ELAPOR2: variants seen among roughly 807,000 people sequenced by gnomAD.
ELAPOR2 encodes endosome-lysosome associated apoptosis and autophagy regulator family member 2.
Under a neutral mutation model 120.7 loss-of-function variants are expected in ELAPOR2, and 89 were observed. The observed-to-expected ratio is 0.74, with a 90% CI of 0.62 to 0.88. The LOEUF (loss-of-function observed/expected upper bound fraction) is 0.88, where lower values mean the gene tolerates loss of function less well. Among genes scored for constraint, ELAPOR2 ranks in the 40% least tolerant of loss-of-function variants. ELAPOR2 has a pLI of 0.00. For synonymous variants in ELAPOR2, 444 were observed against 444.9 expected, an observed-to-expected ratio of 1.00 and a Z score of 0.03; for missense variants, 1,134 against 1,251.6, an observed-to-expected ratio of 0.91 and a Z score of 1.42.
intron 7 of ELAPOR2, 117 bp downstream of exon 7, chr7:86,938,691 G>A: frequency 2.1e-6 from 2 of 947,362 alleles, no homozygotes; most frequent in South Asian, 1.5e-5. Context: ...ATTCACTCCA[G>A]CACTTTGGTT....
intron 10 of ELAPOR2, among the ~76,000 whole-genome samples, chr7:86,922,348 A>G (rs1193951091): frequency 6.6e-6 from 1 of 151,676 alleles, no homozygotes; most frequent in Non-Finnish European, 1.5e-5. Context: ...GTTTCTGTGT[A>G]TATTTTATAT....
intron 1 of ELAPOR2, among the ~76,000 whole-genome samples, chr7:87,032,927 C>T (rs929550679): frequency 2.0e-5 from 3 of 152,072 alleles, no homozygotes; most frequent in Non-Finnish European, 2.9e-5. Context: ...TAACATCTAC[C>T]TTGGAGGAGA....
intron 2 of ELAPOR2, among the ~76,000 whole-genome samples, chr7:86,949,240 G>A (rs745328854): frequency 7.9e-5 from 12 of 152,158 alleles, no homozygotes; most frequent in Non-Finnish European, 1.0e-4. Context: ...CTAGGACAAG[G>A]CTGTACCACT....
intron 1 of ELAPOR2, among the ~76,000 whole-genome samples, chr7:87,052,717 C>T (rs576186359): frequency 3.9e-5 from 6 of 152,284 alleles, no homozygotes; most frequent in Admixed American, 6.5e-5. Flanking sequence ...ACTTCCAACT[C>T]GAGTTGTAAA....
chr7:86,922,424 C>A (rs1476455), intron 10 of ELAPOR2, among the ~76,000 whole-genome samples: 32,396 of 151,304 alleles, frequency 0.21, 5,613 homozygotes, highest in African/African-American at 0.49. Flanking sequence ...ATTTTAAAGA[C>A]AAATTTAAAA....
chr7:87,031,534 C>T (rs1164848356), intron 1 of ELAPOR2, among the ~76,000 whole-genome samples: 2 of 152,134 alleles, frequency 1.3e-5, no homozygotes, highest in African/African-American at 4.8e-5. Flanking sequence ...AATAGACTAA[C>T]TGAATGGTTA....
At chr7:86,936,266 G>A (rs925301750) in intron 8 of ELAPOR2, among the ~76,000 whole-genome samples, 1 of 151,990 alleles carries the variant, frequency 6.6e-6, no homozygotes, top group Non-Finnish European at 1.5e-5. Context: ...GAGTACAGTG[G>A]CTATTCACAG....
chr7:86,917,896 A>T (rs1442303841), intron 12 of ELAPOR2, among the ~76,000 whole-genome samples: 1 of 152,196 alleles, frequency 6.6e-6, no homozygotes, highest in African/African-American at 2.4e-5. Flanking sequence ...TAAATCTCAC[A>T]TAAGGTCTTA....
rs1794288927 is a variant in ELAPOR2 at position 87,027,686 on chromosome 7, T to C, written c.189+31639A>G. ...TGTGAAGAGACACACAGGGAGAAGA[T>C]GGCCATCCATGCCAAGGAGAGAAGC... On this transcript the variant is annotated intron_variant, in intron 1 of 21. Coordinates refer to ENST00000450689, the MANE Select transcript of ELAPOR2 (RefSeq NM_001142749.3). 3.3e-5 allele frequency among the ~76,000 whole-genome samples: 5 copies of C among 152,274 alleles called. No individual in the cohort carries two copies. In the South Asian group the frequency reaches 1.0e-3, roughly 32 times the overall value.
In ELAPOR2 at chr7:86,877,039, A is replaced by T. The variant is rs1470681794; in HGVS notation, c.*3432T>A. ...AGAGCCCACATGCCCTGCAAAGCCAAAACTATGTACTATCTGACCCTTTAC... is the reference window on the plus strand; with the variant it reads ...AGAGCCCACATGCCCTGCAAAGCCATAACTATGTACTATCTGACCCTTTAC... On this transcript the variant is annotated 3_prime_UTR_variant, in exon 22 of 22. Coordinates refer to ENST00000450689, the MANE Select transcript of ELAPOR2 (RefSeq NM_001142749.3). 6.6e-6 allele frequency: 1 copy of T among 152,182 alleles called. No individual in the cohort carries two copies. Among genetic ancestry groups the T allele is most frequent in the Non-Finnish European group, 1.5e-5 (1 of 68,020 alleles). 9.4% of individuals were successfully genotyped at this position (152,182 alleles called of 1,614,324 possible).
In ELAPOR2 at chr7:86,877,179, T is replaced by G. The variant is rs1353381429; in HGVS notation, c.*3292A>C. ...CAATTATTCATTCCCATCTTAAAGT[T>G]TTACTTCTTTCATTTATGATTCTAA... On this transcript the variant is annotated 3_prime_UTR_variant, in exon 22 of 22. Coordinates refer to ENST00000450689, the MANE Select transcript of ELAPOR2 (RefSeq NM_001142749.3). The G allele has an allele frequency of 3.9e-5, 6 of 152,166 alleles. No homozygotes were observed. Among genetic ancestry groups the G allele is most frequent in the Non-Finnish European group, 8.8e-5 (6 of 68,024 alleles). 9.4% of individuals were successfully genotyped at this position (152,166 alleles called of 1,614,324 possible).
intron 1 of ELAPOR2, among the ~76,000 whole-genome samples, chr7:86,980,693 A>C (rs1050061346): frequency 2.0e-5 from 3 of 151,916 alleles, no homozygotes; most frequent in African/African-American, 7.3e-5. Context: ...GTACTAAAGG[A>C]TCCTTCCTAC....
intron 17 of ELAPOR2, 45 bp from the exon 18 acceptor site, chr7:86,907,816 G>T: frequency 1.8e-6 from 2 of 1,081,236 alleles, no homozygotes; most frequent in Non-Finnish European, 2.6e-6. Flanking sequence ...ATATAATACA[G>T]ATTACAAAGA....
chr7:86,944,835 T>G, intron 4 of ELAPOR2, 64 bp downstream of exon 4: 1 of 1,360,430 alleles, frequency 7.4e-7, no homozygotes, highest in Non-Finnish European at 9.8e-7. Flanking sequence ...TGGGAACAAC[T>G]GACTAAGGGA....
chr7:86,894,479 T>A (rs373267714), intron 19 of ELAPOR2, among the ~76,000 whole-genome samples: 1 of 151,972 alleles, frequency 6.6e-6, no homozygotes, highest in Non-Finnish European at 1.5e-5. Context: ...TTATCAAATG[T>A]GCAATGCCCA....
Position 86,918,520 on chromosome 7 carries a change from G to C in ELAPOR2, c.1515C>G (p.Ala505=), listed in dbSNP as rs752236720. The C allele has an allele frequency of 1.2e-6, 2 of 1,611,850 alleles. No individual in the cohort carries two copies. Among genetic ancestry groups the C allele is most frequent in the Non-Finnish European group, 1.7e-6 (2 of 1,178,298 alleles). ...TTATTCTTCCTAGTTCAGAACCCGT[G>C]GCTCCAGTCATAGATGTTGGTGGTC... ...GFKPPTSMTG[A]TGSELGRITF... is the part of the protein sequence containing the mutation. The change falls in exon 12 of 22, where the codon GCC becomes GCG. Residue 505 remains alanine, a synonymous_variant. Transcript: ENST00000450689.
At chr7:86,923,500 C>T (rs1481020958) in intron 10 of ELAPOR2, among the ~76,000 whole-genome samples, 1 of 151,930 alleles carries the variant, frequency 6.6e-6, no homozygotes, top group Non-Finnish European at 1.5e-5. Flanking sequence ...TTTTATTTAA[C>T]CATACCCCAT....
chr7:87,011,221 T>TTGTGCCATGACACTCTA (rs56074608), intron 1 of ELAPOR2, among the ~76,000 whole-genome samples: 2 of 138,102 alleles, frequency 1.4e-5, no homozygotes, highest in Non-Finnish European at 3.1e-5. Flanking sequence ...TGAGCCAAGA[T>TTGTGCCATGACACTCTA]GCATGGCGAC....
intron 18 of ELAPOR2, among the ~76,000 whole-genome samples, chr7:86,899,271 G>A (rs528806854): frequency 2.0e-5 from 3 of 152,202 alleles, no homozygotes; most frequent in Middle Eastern, 3.4e-3. Flanking sequence ...GATGCCGGAA[G>A]CTATTTGGAC....
Sources: gnomAD v4.1 joint callset for allele counts (sites outside exome capture counted in the v4.1 genomes callset) on GRCh38, gnomAD v4.1.1 for gene constraint, MANE v1.5 for transcripts, NCBI Gene and HGNC (gene_info 2026-07-23, HGNC 2026-07-21) for gene names.